RYR3: variants seen among roughly 807,000 people sequenced by gnomAD.
RYR3 encodes the protein brain ryanodine receptor-calcium release channel.
RYR3 carries 207 observed loss-of-function variants against 584.3 expected under a neutral mutation model. That is an observed-to-expected ratio of 0.35 (90% CI 0.32 to 0.40). The LOEUF (loss-of-function observed/expected upper bound fraction) is 0.40, where lower values mean the gene tolerates loss of function less well. Among genes scored for constraint, RYR3 ranks in the 10% least tolerant of loss-of-function variants. RYR3 has a pLI of 1.00. For synonymous variants in RYR3, 2,416 were observed against 2,248.5 expected, an observed-to-expected ratio of 1.07 and a Z score of -2.11; for missense variants, 5,616 against 6,089.2, an observed-to-expected ratio of 0.92 and a Z score of 2.59.
At chr15:33,549,364 G>T (rs1348431405) in intron 9 of RYR3, among the ~76,000 whole-genome samples, 1 of 152,178 alleles carries the variant, frequency 6.6e-6, no homozygotes, top group African/African-American at 2.4e-5. Flanking sequence ...ATTTATTGAT[G>T]CTTCAAAAAG....
At chr15:33,404,608 G>T (rs2676042) in intron 1 of RYR3, among the ~76,000 whole-genome samples, 104,975 of 148,984 alleles carry the variant, frequency 0.7, 37,690 homozygotes, top group African/African-American at 0.87. Context: ...TTTTTTACTT[G>T]TAACTGTTGA....
At chr15:33,736,701 GT>G (rs2069496420) in intron 49 of RYR3, among the ~76,000 whole-genome samples, 1 of 151,930 alleles carries the variant, frequency 6.6e-6, no homozygotes, top group Non-Finnish European at 1.5e-5. Flanking sequence ...ATTCCATACT[GT>G]TTTGTGCTTT....
At chr15:33,623,519 C>A (rs1163258105) in intron 19 of RYR3, among the ~76,000 whole-genome samples, 2 of 151,988 alleles carry the variant, frequency 1.3e-5, no homozygotes, top group Non-Finnish European at 2.9e-5. Flanking sequence ...AATTATTTAC[C>A]TATTAGAGTA....
chr15:33,795,409 CAG>C (rs1944477713), intron 67 of RYR3, among the ~76,000 whole-genome samples: 6 of 97,328 alleles, frequency 6.2e-5, no homozygotes, highest in Admixed American at 3.0e-4. Flanking sequence ...TTTTGTGAGA[CAG>C]AGTCTCACTC....
At chr15:33,661,916 A>G (rs552380048) in intron 34 of RYR3, among the ~76,000 whole-genome samples, 1 of 152,302 alleles carries the variant, frequency 6.6e-6, no homozygotes, top group South Asian at 2.1e-4. Context: ...GAAGACTTTC[A>G]TATTTGGTAA....
At chr15:33,517,315 T>C (rs1377592199) in intron 3 of RYR3, among the ~76,000 whole-genome samples, 1 of 152,208 alleles carries the variant, frequency 6.6e-6, no homozygotes, top group Non-Finnish European at 1.5e-5. Context: ...TAAATAACCT[T>C]TCTGATTTTG....
At chr15:33,396,992 A>G (rs1361125791) in intron 1 of RYR3, among the ~76,000 whole-genome samples, 2 of 152,256 alleles carry the variant, frequency 1.3e-5, no homozygotes, top group Non-Finnish European at 2.9e-5. Context: ...CTTCTGTAAT[A>G]AAGGCAAAAA....
chr15:33,854,930 G>A lies in RYR3; in HGVS notation c.14007+18G>A, dbSNP rs746794542. 22 of 1,602,440 alleles carry A rather than the reference G, an allele frequency of 1.4e-5. No homozygotes were observed. The Admixed American group carries it at 3.4e-4, about 25-fold the overall frequency. On this transcript the variant is annotated intron_variant, in intron 98 of 103. Transcript: ENST00000634891. ...GCAAACAGGTATGGTTTCTACTGAT[G>A]CAGAACAGAATGGACCTGTATATGC...
intron 70 of RYR3, chr15:33,807,876 G>C (rs1770595874): frequency 7.2e-6 from 3 of 415,202 alleles, no homozygotes; most frequent in Middle Eastern, 6.7e-4. Context: ...AGGGATGACT[G>C]ACAGGGCTTG....
rs1971093840 is a variant in RYR3, at chr15:33,336,523, AGGGAAGGAGGGAAGGAGGGAAGGAGGG to A, written c.51+25428_51+25454del. Among the ~76,000 whole-genome samples the A allele has an allele frequency of 3.5e-5, 3 of 85,838 alleles. 1 individual carries two copies. The highest frequency in any genetic ancestry group is 6.9e-5 in the Non-Finnish European group (3 of 43,320). The allele number at this position is 85,838 out of a possible 152,430, so 56.3% of individuals were successfully genotyped here. On this transcript the variant is annotated intron_variant, in intron 1 of 103. Coordinates refer to ENST00000634891, the MANE Select transcript of RYR3 (RefSeq NM_001036.6). The stretch of plus-strand genomic sequence containing the variant: ...GAAAGAAGGAGGGAAGGAGGGAAGG[AGGGAAGGAGGGAAGGAGGGAAGGAGGG>A]AAGGAAGGAAGAAAAAAGCACCATG...
chr15:33,351,971 C>T (rs897003137), intron 1 of RYR3, among the ~76,000 whole-genome samples: 2 of 152,014 alleles, frequency 1.3e-5, no homozygotes, highest in African/African-American at 4.8e-5. Context: ...TCAAATTGTC[C>T]CTGTTTGCAG....
At chr15:33,637,341 A>G (rs1260918670) in intron 27 of RYR3, among the ~76,000 whole-genome samples, 1 of 152,224 alleles carries the variant, frequency 6.6e-6, no homozygotes, top group Non-Finnish European at 1.5e-5. Context: ...AATAAAATCT[A>G]ATGTTCTTCC....
intron 1 of RYR3, among the ~76,000 whole-genome samples, chr15:33,327,716 T>G (rs528043084): frequency 5.3e-5 from 8 of 151,646 alleles, no homozygotes; most frequent in Non-Finnish European, 7.4e-5. Context: ...CTGCCTGCCT[T>G]CCTTCCTTCC....
At position 33,456,015 on chromosome 15, in the gene RYR3, C is replaced by G. The variant is rs186199955; in HGVS notation, c.52-17404C>G. On this transcript the variant is annotated intron_variant, in intron 1 of 103. Coordinates refer to ENST00000634891, the MANE Select transcript of RYR3 (RefSeq NM_001036.6). The stretch of plus-strand genomic sequence containing the variant: ...CTAATCACAAGACACTTTAAATATC[C>G]CAGAGAAGATAGTTCTGTATTCTGT... 8.9e-3 allele frequency among the ~76,000 whole-genome samples: 1,356 copies of G among 152,186 alleles called. 6 individuals are homozygous for G. Among genetic ancestry groups the G allele is most frequent in the Non-Finnish European group, 0.015 (1,007 of 67,992 alleles).
intron 34 of RYR3, among the ~76,000 whole-genome samples, chr15:33,661,902 T>G (rs1211762554): frequency 6.6e-6 from 1 of 152,220 alleles, no homozygotes. Context: ...TTTTTCCTAA[T>G]AATGAAGACT....
intron 3 of RYR3, among the ~76,000 whole-genome samples, chr15:33,529,313 T>G (rs2054651228): frequency 6.6e-6 from 1 of 152,226 alleles, no homozygotes; most frequent in South Asian, 2.1e-4. Context: ...TTCTCTTCTT[T>G]AGGCTCATTA....
Position 33,706,972 on chromosome 15 carries a change from C to A in RYR3, c.6537C>A (p.Ala2179=), listed in dbSNP as rs1369357107. ...TACAGAGCTGCCCCATGCTTCTGGC[C>A]AAAGGATACCCTGATGTCGGCTGGA... is the stretch of plus-strand genomic sequence containing the variant. ...CGLQSCPMLL[A]KGYPDVGWNP... The change falls in exon 43 of 104, where the codon GCC becomes GCA. Residue 2179 remains alanine, a synonymous_variant. Transcript: ENST00000634891. The A allele has an allele frequency of 6.2e-7, 1 of 1,613,250 alleles. No homozygotes were observed. Among genetic ancestry groups the A allele is most frequent in the East Asian group, 2.2e-5 (1 of 44,862 alleles).
intron 102 of RYR3, among the ~76,000 whole-genome samples, 160 bp from the exon 103 acceptor site, chr15:33,863,978 A>G (rs540672590): frequency 1.3e-5 from 2 of 152,174 alleles, no homozygotes; most frequent in African/African-American, 2.4e-5. Flanking sequence ...ACTATTAGAA[A>G]ATGATGGTTT....
intron 37 of RYR3, among the ~76,000 whole-genome samples, chr15:33,669,856 G>GA (rs1434319137): frequency 4.2e-5 from 2 of 47,346 alleles, no homozygotes; most frequent in African/African-American, 1.3e-4. Flanking sequence ...GGGGGGGGGG[G>GA]GGTGTGGGTG....
Sources: allele counts gnomAD v4.1 joint callset (sites outside exome capture counted in the v4.1 genomes callset), GRCh38; gene constraint gnomAD v4.1.1; transcripts MANE v1.5; gene names NCBI Gene and HGNC (gene_info 2026-07-23, HGNC 2026-07-21).